Variants in SGCZ observed in about 807,000 individuals in gnomAD.
SGCZ encodes the protein zeta-sarcoglycan.
A neutral mutation model predicts 41.3 loss-of-function variants in SGCZ; 40 were observed. The ratio of observed to expected loss-of-function variants is 0.97; its 90% CI spans 0.75 to 1.26. The LOEUF (loss-of-function observed/expected upper bound fraction) is 1.26, where lower values mean the gene tolerates loss of function less well. SGCZ is among the 50% of genes most tolerant of loss of function. The pLI, the probability that SGCZ is intolerant of heterozygous loss-of-function variation, is 0.00. For missense variants in SGCZ, 552 were observed against 369.8 expected, an observed-to-expected ratio of 1.49 and a Z score of -4.04; for synonymous variants, 206 against 137.5, an observed-to-expected ratio of 1.50 and a Z score of -3.49.
intron 3 of SGCZ, among the ~76,000 whole-genome samples, chr8:14,264,056 T>C (rs1799773999): frequency 6.6e-6 from 1 of 152,146 alleles, no homozygotes; most frequent in Non-Finnish European, 1.5e-5. Context: ...GCCCCAGCAG[T>C]ATGGTCTCAT....
intron 1 of SGCZ, among the ~76,000 whole-genome samples, chr8:14,808,097 C>T (rs1391049550): frequency 2.0e-5 from 3 of 152,178 alleles, no homozygotes; most frequent in African/African-American, 7.2e-5. Flanking sequence ...GGATTAAAGA[C>T]TGAAACGTTA....
At chr8:14,394,140 C>CCCCG (rs112444671) in intron 2 of SGCZ, among the ~76,000 whole-genome samples, 3 of 143,636 alleles carry the variant, frequency 2.1e-5, no homozygotes, top group Admixed American at 7.0e-5. Context: ...TACCGCCCCC[C>CCCCG]ACCTTTTTTT....
chr8:14,395,376 A>T (rs1001486996), intron 2 of SGCZ, among the ~76,000 whole-genome samples: 4 of 152,200 alleles, frequency 2.6e-5, no homozygotes, highest in Admixed American at 2.0e-4. Context: ...AGAAGAAAAA[A>T]CATGACATAG....
At chr8:14,925,986 CAG>C (rs1262421019) in intron 1 of SGCZ, among the ~76,000 whole-genome samples, 1 of 152,106 alleles carries the variant, frequency 6.6e-6, no homozygotes, top group African/African-American at 2.4e-5. Flanking sequence ...GATTTGTAAA[CAG>C]ATAGCTGAAG....
chr8:14,976,995 T>G (rs1367439811), intron 1 of SGCZ, among the ~76,000 whole-genome samples: 1 of 152,224 alleles, frequency 6.6e-6, no homozygotes, highest in African/African-American at 2.4e-5. Context: ...GAGATACATT[T>G]CAAACATGCA....
intron 1 of SGCZ, among the ~76,000 whole-genome samples, chr8:14,921,892 A>C (rs927886420): frequency 1.3e-5 from 2 of 152,212 alleles, no homozygotes; most frequent in African/African-American, 4.8e-5. Flanking sequence ...AAATGGTGTT[A>C]AGCAATTCGT....
At position 14,412,962 on chromosome 8, in the gene SGCZ, T is replaced by C. The variant is rs113390314; in HGVS notation, c.235-88758A>G. ...GTCAGAAAAGTAAAATCATAACAAA[T>C]AGCTAGCATTCATAATTTGTATATT... On this transcript the variant is annotated intron_variant, in intron 2 of 7. Coordinates refer to ENST00000382080, the MANE Select transcript of SGCZ (RefSeq NM_139167.4). Among the ~76,000 whole-genome samples the C allele has an allele frequency of 2.6e-3, 396 of 152,014 alleles. 2 individuals are homozygous for C. Among genetic ancestry groups the C allele is most frequent in the African/African-American group, 8.8e-3 (366 of 41,506 alleles).
At chr8:14,853,211 T>C (rs1803403946) in intron 1 of SGCZ, among the ~76,000 whole-genome samples, 1 of 152,198 alleles carries the variant, frequency 6.6e-6, no homozygotes, top group African/African-American at 2.4e-5. Flanking sequence ...CTCTTTATGG[T>C]ATAAAAATGT....
intron 1 of SGCZ, among the ~76,000 whole-genome samples, chr8:14,723,175 G>A (rs565382559): frequency 2.8e-4 from 43 of 152,326 alleles, no homozygotes; most frequent in African/African-American, 1.0e-3. Context: ...GAAAGAAACA[G>A]GGATTTTGAC....
chr8:14,594,557 G>A (rs1264707478), intron 1 of SGCZ, among the ~76,000 whole-genome samples: 1 of 150,250 alleles, frequency 6.7e-6, no homozygotes, highest in Non-Finnish European at 1.5e-5. Flanking sequence ...TGGTGATGAT[G>A]CATAATTAAT....
chr8:14,110,222 ACT>A lies in SGCZ; in HGVS notation c.548-1989_548-1988del, dbSNP rs557243060. 3.8e-3 allele frequency among the ~76,000 whole-genome samples: 576 copies of A among 152,142 alleles called. 3 individuals are homozygous for A. The highest frequency in any genetic ancestry group is 0.012 in the African/African-American group (512 of 41,536). On this transcript the variant is annotated intron_variant, in intron 5 of 7. Coordinates refer to ENST00000382080, the MANE Select transcript of SGCZ (RefSeq NM_139167.4). ...ATACATTTGTATATCTCAAAGAGAG[ACT>A]CTGGCATTTTGTAATAAGATATGCA...
intron 1 of SGCZ, among the ~76,000 whole-genome samples, chr8:14,909,542 C>T (rs776005067): frequency 1.3e-4 from 20 of 152,012 alleles, no homozygotes; most frequent in South Asian, 4.2e-4. Context: ...TCTTATATTA[C>T]GTCATACTAT....
chr8:15,225,185 G>C (rs1040906633), intron 1 of SGCZ, among the ~76,000 whole-genome samples: 7 of 151,954 alleles, frequency 4.6e-5, no homozygotes, highest in African/African-American at 1.7e-4. Context: ...CTTTATACTG[G>C]CCCCTTAGCA....
At chr8:14,160,766 A>G (rs189145745) in intron 5 of SGCZ, among the ~76,000 whole-genome samples, 1 of 152,174 alleles carries the variant, frequency 6.6e-6, no homozygotes, top group African/African-American at 2.4e-5. Context: ...TATCAGGTAA[A>G]TTCCTGCTGC....
chr8:15,193,636 G>A (rs758095960), intron 1 of SGCZ, among the ~76,000 whole-genome samples: 62 of 151,406 alleles, frequency 4.1e-4, no homozygotes, highest in Admixed American at 7.9e-4. Flanking sequence ...TCTGGTGCCC[G>A]TATTTCTAAG....
intron 5 of SGCZ, among the ~76,000 whole-genome samples, chr8:14,125,653 A>G (rs1384920380): frequency 6.6e-6 from 1 of 152,196 alleles, no homozygotes. Flanking sequence ...GCAACCAGAA[A>G]AGAACCCTTA....
chr8:14,545,732 C>G (rs754236739), intron 2 of SGCZ, among the ~76,000 whole-genome samples: 47 of 152,282 alleles, frequency 3.1e-4, no homozygotes, highest in Non-Finnish European at 4.4e-4. Flanking sequence ...CCCACCCCCT[C>G]ACTCTAGTCT....
At chr8:14,190,535 G>C (rs1248047853) in intron 4 of SGCZ, among the ~76,000 whole-genome samples, 1 of 152,104 alleles carries the variant, frequency 6.6e-6, no homozygotes, top group East Asian at 1.9e-4. Flanking sequence ...ATGAGGTGGA[G>C]AATTAATTTC....
At chr8:15,142,191 G>A (rs1428523433) in intron 1 of SGCZ, among the ~76,000 whole-genome samples, 1 of 152,088 alleles carries the variant, frequency 6.6e-6, no homozygotes, top group Admixed American at 6.6e-5. Flanking sequence ...TGATTAAGAG[G>A]GAGCAGATGG....
Sources: allele counts gnomAD v4.1 joint callset (sites outside exome capture counted in the v4.1 genomes callset), GRCh38; gene constraint gnomAD v4.1.1; transcripts MANE v1.5; gene names NCBI Gene and HGNC (gene_info 2026-07-23, HGNC 2026-07-21).